The following PCP4 variants were observed in gnomAD, a reference collection of about 807,000 sequenced individuals.
The protein encoded by PCP4 is calmodulin regulator protein PCP4.
In PCP4, 8 loss-of-function variants were observed where a neutral mutation model predicts 10.0. That is an observed-to-expected ratio of 0.80 (90% CI 0.47 to 1.45). The LOEUF is 1.45. PCP4 is among the 40% of genes most tolerant of loss of function. The probability of loss-of-function intolerance (pLI) is 0.00; values close to 1 mark genes in which losing one functional copy is unlikely to be tolerated. For missense variants in PCP4, 54 were observed against 74.4 expected, an observed-to-expected ratio of 0.73 and a Z score of 1.01; for synonymous variants, 21 against 23.0, an observed-to-expected ratio of 0.91 and a Z score of 0.24.
intron 2 of PCP4, among the ~76,000 whole-genome samples, chr21:39,902,637 T>TAC (rs1292360858): frequency 2.6e-5 from 4 of 152,212 alleles, no homozygotes; most frequent in Non-Finnish European, 4.4e-5. Context: ...TTAACCTCAG[T>TAC]ACACACACTC....
intron 2 of PCP4, chr21:39,926,298 G>A (rs1399834172): frequency 8.1e-6 from 2 of 246,616 alleles, no homozygotes; most frequent in East Asian, 1.0e-4. Context: ...ATTGATTTCT[G>A]TGAACTGTCC....
At chr21:39,915,134 G>A (rs1641270531) in intron 2 of PCP4, among the ~76,000 whole-genome samples, 1 of 151,854 alleles carries the variant, frequency 6.6e-6, no homozygotes, top group Non-Finnish European at 1.5e-5. Flanking sequence ...GGAAGGAGAA[G>A]CAAATGTCCC....
At chr21:39,914,289 C>A (rs1251519939) in intron 2 of PCP4, among the ~76,000 whole-genome samples, 1 of 152,052 alleles carries the variant, frequency 6.6e-6, no homozygotes. Context: ...TTCTTAAAGT[C>A]AAAATCTTTG....
chr21:39,923,944 G>T (rs533465786), intron 2 of PCP4, among the ~76,000 whole-genome samples: 21 of 152,230 alleles, frequency 1.4e-4, no homozygotes, highest in Non-Finnish European at 2.9e-4. Flanking sequence ...GACTGTATCG[G>T]TCGGCAGTGG....
intron 2 of PCP4, chr21:39,926,025 G>T (rs1293517603): frequency 1.1e-5 from 5 of 455,964 alleles, no homozygotes; most frequent in African/African-American, 2.0e-5. Flanking sequence ...GAGTCTAATT[G>T]GTTGTCCCTT....
At chr21:39,918,451 G>T (rs1289975257) in intron 2 of PCP4, among the ~76,000 whole-genome samples, 1 of 152,132 alleles carries the variant, frequency 6.6e-6, no homozygotes, top group Admixed American at 6.5e-5. Context: ...ATTAGGCTTT[G>T]TATTAATGAG....
chr21:39,909,097 G>T (rs1279961892), intron 2 of PCP4, among the ~76,000 whole-genome samples: 1 of 152,140 alleles, frequency 6.6e-6, no homozygotes, highest in African/African-American at 2.4e-5. Context: ...CATTCTGAAC[G>T]TTCAAGAAGG....
intron 2 of PCP4, among the ~76,000 whole-genome samples, chr21:39,919,977 TGTG>T (rs1044529743): frequency 4.7e-5 from 7 of 150,410 alleles, no homozygotes; most frequent in Non-Finnish European, 8.9e-5. Flanking sequence ...TTGGTGTGTG[TGTG>T]GTGTGTGTGT....
intron 2 of PCP4, among the ~76,000 whole-genome samples, chr21:39,926,577 T>C (rs2087622322): frequency 2.6e-5 from 4 of 152,164 alleles, no homozygotes; most frequent in African/African-American, 9.7e-5. Flanking sequence ...TTTGGGACTA[T>C]AAACCATCTT....
intron 1 of PCP4, among the ~76,000 whole-genome samples, chr21:39,868,226 G>T (rs2087303509): frequency 6.6e-6 from 1 of 152,302 alleles, no homozygotes; most frequent in East Asian, 1.9e-4. Context: ...AAGCAGATTA[G>T]CGGTGGTACA....
chr21:39,923,231 C>G (rs149668619), intron 2 of PCP4, among the ~76,000 whole-genome samples: 325 of 152,238 alleles, frequency 2.1e-3, no homozygotes, highest in African/African-American at 7.5e-3. Context: ...AGAATGATTC[C>G]AGAATTAGGC....
Position 39,928,168 on chromosome 21 carries a change from C to T in PCP4, c.62-816C>T, listed in dbSNP as rs73904628. ...TGAGCAGCATACACTATACACTCTACGGCCATACCACCCTGAACACGCCGG... is the reference window on the plus strand; with the variant it reads ...TGAGCAGCATACACTATACACTCTATGGCCATACCACCCTGAACACGCCGG... On this transcript the variant is annotated intron_variant, in intron 2 of 2. Transcript: ENST00000328619. Among the ~76,000 whole-genome samples, 84 of 152,270 alleles carry T rather than the reference C, an allele frequency of 5.5e-4. No individual in the cohort carries two copies. The South Asian group carries it at 0.014, about 25-fold the overall frequency.
At chr21:39,880,187 T>C (rs1387252208) in intron 1 of PCP4, among the ~76,000 whole-genome samples, 5 of 140,660 alleles carry the variant, frequency 3.6e-5, no homozygotes, top group Non-Finnish European at 6.0e-5. Context: ...TATATCTATA[T>C]CTATCTATAT....
At chr21:39,900,782 G>A (rs546490225) in intron 2 of PCP4, among the ~76,000 whole-genome samples, 2 of 152,092 alleles carry the variant, frequency 1.3e-5, no homozygotes, top group Non-Finnish European at 2.9e-5. Flanking sequence ...CTCGGAACTC[G>A]ACTCCAAGCA....
chr21:39,911,457 G>A (rs1031119757), intron 2 of PCP4, among the ~76,000 whole-genome samples: 1 of 152,044 alleles, frequency 6.6e-6, no homozygotes, highest in East Asian at 1.9e-4. Context: ...TGGTCCACTC[G>A]ACAGAAACAC....
chr21:39,889,297 G>A (rs1187699479), intron 1 of PCP4, among the ~76,000 whole-genome samples: 1 of 152,058 alleles, frequency 6.6e-6, no homozygotes, highest in African/African-American at 2.4e-5. Context: ...AGATGACCTG[G>A]GCCCTGACAG....
At chr21:39,907,313 G>A (rs562052053) in intron 2 of PCP4, among the ~76,000 whole-genome samples, 23 of 152,096 alleles carry the variant, frequency 1.5e-4, no homozygotes, top group South Asian at 1.0e-3. Context: ...TTCGGACCCC[G>A]GGCAGAAGTC....
chr21:39,912,118 A>T (rs979461883), intron 2 of PCP4, among the ~76,000 whole-genome samples: 1 of 152,044 alleles, frequency 6.6e-6, no homozygotes, highest in East Asian at 1.9e-4. Flanking sequence ...TTTTTCTAAC[A>T]TTCTATCTAA....
Position 39,906,436 on chromosome 21 carries a change from A to G in PCP4, c.61+7909A>G, listed in dbSNP as rs905658523. Among the ~76,000 whole-genome samples the G allele has an allele frequency of 6.6e-6, 1 of 152,230 alleles. No homozygotes were observed. Among genetic ancestry groups the G allele is most frequent in the African/African-American group, 2.4e-5 (1 of 41,470 alleles). On this transcript the variant is annotated intron_variant, in intron 2 of 2. Transcript: ENST00000328619. This position sits in a 1 kb window ranked among gnomAD's most constrained non-coding sequence, Gnocchi z 6.3. ...GGGTGATCTCAGACTAATAATAGGG[A>G]CAGCCATGATAGTTTTCAAAATTAA...
Sources: allele counts gnomAD v4.1 joint callset (sites outside exome capture counted in the v4.1 genomes callset), GRCh38; gene constraint gnomAD v4.1.1; non-coding constraint Gnocchi (gnomAD v3.1); transcripts MANE v1.5; gene names NCBI Gene and HGNC (gene_info 2026-07-23, HGNC 2026-07-21).